The following STXBP5L variants were observed in gnomAD, a reference collection of about 807,000 sequenced individuals.
The protein encoded by STXBP5L is syntaxin-binding protein 5-like.
In STXBP5L, 65 loss-of-function variants were observed where a neutral mutation model predicts 144.5. The ratio of observed to expected loss-of-function variants is 0.45; its 90% confidence interval spans 0.37 to 0.55. STXBP5L has a LOEUF of 0.55. STXBP5L is among the 20% of genes least tolerant of loss of function. The pLI, the probability that STXBP5L is intolerant of heterozygous loss-of-function variation, is 0.00. For missense variants in STXBP5L, 1,298 were observed against 1,405.5 expected (o/e 0.92, Z 1.22); for synonymous variants, 505 against 469.6 (o/e 1.08, Z -0.97).
At chr3:121,145,161 T>A (rs1203427383) in intron 7 of STXBP5L, among the ~76,000 whole-genome samples, 2 of 149,090 alleles carry the variant, frequency 1.3e-5, no homozygotes, top group Non-Finnish European at 3.0e-5. Context: ...AGATCTCATG[T>A]TCAGTGTTCT....
chr3:120,914,802 A>G (rs988464079), intron 2 of STXBP5L, among the ~76,000 whole-genome samples: 2 of 152,286 alleles, frequency 1.3e-5, no homozygotes, highest in African/African-American at 4.8e-5. Flanking sequence ...TAATGGAGGC[A>G]AGGAAGAATT....
intron 3 of STXBP5L, among the ~76,000 whole-genome samples, chr3:120,970,864 C>T (rs1227185016): frequency 1.3e-5 from 2 of 152,104 alleles, no homozygotes; most frequent in East Asian, 3.9e-4. Flanking sequence ...CTGGAACTAA[C>T]TTATTGCTCT....
chr3:121,378,648 C>A, intron 20 of STXBP5L, 68 bp from the exon 21 acceptor site: 1 of 1,462,892 alleles, frequency 6.8e-7, no homozygotes, highest in Non-Finnish European at 9.2e-7. Context: ...TGTTAATCTA[C>A]ACGCTTGTAT....
chr3:121,059,433 T>C (rs147888281), intron 5 of STXBP5L, among the ~76,000 whole-genome samples: 179 of 152,320 alleles, frequency 1.2e-3, no homozygotes, highest in African/African-American at 4.2e-3. Flanking sequence ...TTCTTTTTGC[T>C]TAGGATTGTC....
At chr3:121,011,279 G>T (rs1375158471) in intron 3 of STXBP5L, among the ~76,000 whole-genome samples, 1 of 150,794 alleles carries the variant, frequency 6.6e-6, no homozygotes, top group Admixed American at 6.7e-5. Context: ...CCCCTTATTC[G>T]TTCTTATATG....
Position 121,028,376 on chromosome 3 carries a change from G to A in STXBP5L, c.288-13324G>A, listed in dbSNP as rs571301666. On this transcript the variant is annotated intron_variant, in intron 3 of 26. Transcript: ENST00000471454. Reference sequence around the variant, plus strand: ...AAAATTAATTGGTACTCTATAACTTGCTTGATCAATGGCTGTAAGTTACTA... The same window carrying A: ...AAAATTAATTGGTACTCTATAACTTACTTGATCAATGGCTGTAAGTTACTA... 2.6e-5 allele frequency among the ~76,000 whole-genome samples: 4 copies of A among 152,086 alleles called. No homozygotes were observed. The South Asian group carries it at 8.3e-4, about 32-fold the overall frequency.
intron 5 of STXBP5L, among the ~76,000 whole-genome samples, chr3:121,053,358 T>G (rs1283120506): frequency 6.6e-6 from 1 of 152,154 alleles, no homozygotes; most frequent in Non-Finnish European, 1.5e-5. Context: ...AAGGCTACAG[T>G]AACCAAAACA....
At chr3:121,052,123 T>A (rs1322180204) in intron 5 of STXBP5L, among the ~76,000 whole-genome samples, 4 of 152,158 alleles carry the variant, frequency 2.6e-5, no homozygotes, top group Non-Finnish European at 5.9e-5. Context: ...CAGGACCAGA[T>A]GGATTCACAA....
At chr3:121,302,866 A>C (rs1287586435) in intron 19 of STXBP5L, among the ~76,000 whole-genome samples, 5 of 152,204 alleles carry the variant, frequency 3.3e-5, no homozygotes, top group Non-Finnish European at 7.3e-5. Flanking sequence ...CTTACACCTT[A>C]TACAAAAATT....
intron 9 of STXBP5L, among the ~76,000 whole-genome samples, chr3:121,159,660 C>T (rs1213629158): frequency 7.3e-6 from 1 of 136,072 alleles, no homozygotes; most frequent in African/African-American, 2.7e-5. Flanking sequence ...GACGGAGTCT[C>T]GCTCTTTCGC....
At chr3:121,245,778 C>G (rs2049829638) in intron 14 of STXBP5L, among the ~76,000 whole-genome samples, 1 of 151,998 alleles carries the variant, frequency 6.6e-6, no homozygotes, top group African/African-American at 2.4e-5. Flanking sequence ...AACAGAGCAT[C>G]AAAATATATG....
At chr3:120,983,549 G>T (rs1942005462) in intron 3 of STXBP5L, among the ~76,000 whole-genome samples, 1 of 152,166 alleles carries the variant, frequency 6.6e-6, no homozygotes, top group Non-Finnish European at 1.5e-5. Flanking sequence ...CAGCTGCTCA[G>T]GGCTCAAAAG....
intron 5 of STXBP5L, among the ~76,000 whole-genome samples, chr3:121,103,327 G>T (rs1038182084): frequency 6.6e-6 from 1 of 152,106 alleles, no homozygotes; most frequent in Non-Finnish European, 1.5e-5. Flanking sequence ...AAGAAAATTG[G>T]TGCATATACA....
chr3:121,012,597 C>A (rs1184047096), intron 3 of STXBP5L, among the ~76,000 whole-genome samples: 1 of 151,652 alleles, frequency 6.6e-6, no homozygotes, highest in African/African-American at 2.4e-5. Flanking sequence ...ACCTTCTTTT[C>A]ATGCATTTAT....
intron 9 of STXBP5L, among the ~76,000 whole-genome samples, chr3:121,167,044 A>T (rs2046527750): frequency 6.6e-6 from 1 of 152,176 alleles, no homozygotes; most frequent in Non-Finnish European, 1.5e-5. Context: ...CAGTCTTTTG[A>T]GGATACCATT....
chr3:120,909,902 G>A (rs994002774), intron 2 of STXBP5L, 135 bp downstream of exon 2: 4 of 912,318 alleles, frequency 4.4e-6, no homozygotes, highest in African/African-American at 1.8e-5. Flanking sequence ...AGCTCTGTGG[G>A]TAGATCAGTT....
intron 2 of STXBP5L, among the ~76,000 whole-genome samples, chr3:120,918,963 A>G (rs903417538): frequency 8.5e-5 from 13 of 152,160 alleles, no homozygotes; most frequent in African/African-American, 3.1e-4. Context: ...GAGAACTTTT[A>G]AATGTTTTCT....
At chr3:121,320,701 CT>C (rs533248342) in intron 20 of STXBP5L, among the ~76,000 whole-genome samples, 23,747 of 134,828 alleles carry the variant, frequency 0.18, 1,946 homozygotes, top group Middle Eastern at 0.2. Flanking sequence ...AACGACCACA[CT>C]TTTTTTTTTT....
intron 5 of STXBP5L, among the ~76,000 whole-genome samples, chr3:121,046,035 T>A (rs1449951768): frequency 6.6e-6 from 1 of 152,166 alleles, no homozygotes; most frequent in Non-Finnish European, 1.5e-5. Context: ...TTGAAATATG[T>A]TCCTTTAATG....
Sources: gnomAD v4.1 joint callset for allele counts (sites outside exome capture counted in the v4.1 genomes callset) on GRCh38, gnomAD v4.1.1 for gene constraint, MANE v1.5 for transcripts, NCBI Gene and HGNC (gene_info 2026-07-23, HGNC 2026-07-21) for gene names.